The following NAV1 variants were observed in gnomAD, a reference collection of about 807,000 sequenced individuals.
The protein encoded by NAV1 is neuron navigator 1.
A neutral mutation model predicts 175.2 loss-of-function variants in NAV1; 18 were observed. That is an observed-to-expected ratio of 0.10 (90% confidence interval 0.07 to 0.15). The LOEUF is 0.15. NAV1 is among the 10% of genes least tolerant of loss of function. The pLI is 1.00. For missense variants in NAV1, 1,731 were observed against 2,436.6 expected (o/e 0.71, Z 6.10); for synonymous variants, 897 against 978.7 (o/e 0.92, Z 1.56).
intron 3 of NAV1, among the ~76,000 whole-genome samples, chr1:201,768,298 C>A (rs534188074): frequency 7.2e-6 from 1 of 138,616 alleles, no homozygotes; most frequent in African/African-American, 2.8e-5. Flanking sequence ...CATTGCACTG[C>A]AGCCTGGGCA....
At chr1:201,741,187 G>T (rs2102555692) in intron 3 of NAV1, among the ~76,000 whole-genome samples, 1 of 152,272 alleles carries the variant, frequency 6.6e-6, no homozygotes. Flanking sequence ...AAAGAATTGG[G>T]CAAGGCCTGA....
intron 1 of NAV1, among the ~76,000 whole-genome samples, chr1:201,550,457 C>A (rs1411255883): frequency 2.0e-5 from 3 of 152,206 alleles, no homozygotes; most frequent in Admixed American, 1.3e-4. Flanking sequence ...CAAGGGTGAA[C>A]CACCATCCTT....
At chr1:201,572,826 G>A (rs906557487) in intron 1 of NAV1, among the ~76,000 whole-genome samples, 6 of 152,176 alleles carry the variant, frequency 3.9e-5, no homozygotes, top group African/African-American at 1.4e-4. Flanking sequence ...AATCCTCATT[G>A]CTCAAGTAGA....
At chr1:201,606,565 G>A (rs1008642171) in intron 2 of NAV1, among the ~76,000 whole-genome samples, 2 of 152,236 alleles carry the variant, frequency 1.3e-5, no homozygotes, top group East Asian at 1.9e-4. Context: ...GGACTAGAAA[G>A]ACTGCAGTCC....
At chr1:201,759,364 G>C (rs1674698831) in intron 3 of NAV1, among the ~76,000 whole-genome samples, 1 of 152,232 alleles carries the variant, frequency 6.6e-6, no homozygotes, top group South Asian at 2.1e-4. Context: ...AAACAAGTGA[G>C]CTAGATATTG....
chr1:201,823,131 C>T (rs1016612804), exon 30 of NAV1: 4 of 152,640 alleles, frequency 2.6e-5, no homozygotes, highest in Non-Finnish European at 5.9e-5. Context: ...CCTCTCCAGC[C>T]CCCCAACTCC....
At chr1:201,823,372 G>A (rs2644129) in exon 30 of NAV1, 37 of 90,300 alleles carry the variant, frequency 4.1e-4, no homozygotes, top group Non-Finnish European at 5.0e-4. Flanking sequence ...GCGTGTGTGT[G>A]TGTGTGTGTG....
intron 1 of NAV1, among the ~76,000 whole-genome samples, chr1:201,701,144 G>C (rs1464096376): frequency 6.6e-6 from 1 of 151,188 alleles, no homozygotes; most frequent in African/African-American, 2.4e-5. Context: ...CCATCATTCT[G>C]AGCAAACTAT....
intron 4 of NAV1, 145 bp from the exon 9 acceptor site, chr1:201,780,867 C>A: frequency 1.0e-6 from 1 of 967,674 alleles, no homozygotes; most frequent in Non-Finnish European, 1.5e-6. Context: ...TGTTGGAAAC[C>A]CTAGGGGTAT....
intron 1 of NAV1, among the ~76,000 whole-genome samples, chr1:201,691,152 G>C (rs1670917438): frequency 6.6e-6 from 1 of 152,174 alleles, no homozygotes; most frequent in South Asian, 2.1e-4. Context: ...GGCATTGTAA[G>C]ATGTTCAGCA....
rs1373948340 is a variant in NAV1, at chr1:201,744,130, G to A, written c.1226+25375G>A. Among the ~76,000 whole-genome samples, 7 of 152,036 alleles carry A rather than the reference G, an allele frequency of 4.6e-5. No homozygotes were observed. In the South Asian group the frequency reaches 1.0e-3, roughly 23 times the overall value. On this transcript the variant is annotated intron_variant, in intron 3 of 29. Coordinates refer to ENST00000367296, the Ensembl canonical transcript of NAV1. Reference sequence around the variant, plus strand: ...ACTTCTGACCTCAGGTGATCCACCCGCCTCGTCCTCCCAAAGTGCTGGGAT... The same window carrying A: ...ACTTCTGACCTCAGGTGATCCACCCACCTCGTCCTCCCAAAGTGCTGGGAT...
chr1:201,799,595 C>A (rs1677712146), intron 15 of NAV1, among the ~76,000 whole-genome samples: 1 of 152,158 alleles, frequency 6.6e-6, no homozygotes, highest in Admixed American at 6.5e-5. Context: ...TGCGGTGGCT[C>A]ACGCCTATAA....
At chr1:201,557,585 G>A (rs750669240) in intron 1 of NAV1, among the ~76,000 whole-genome samples, 64 of 152,126 alleles carry the variant, frequency 4.2e-4, no homozygotes, top group Non-Finnish European at 7.8e-4. Flanking sequence ...AATTAGCACC[G>A]TCCTTGGCTG....
At chr1:201,802,284 A>C (rs1473557736) in intron 15 of NAV1, among the ~76,000 whole-genome samples, 1 of 135,984 alleles carries the variant, frequency 7.4e-6, no homozygotes, top group African/African-American at 2.7e-5. Flanking sequence ...TAGCCTGCGC[A>C]AGAAGAGTGA....
chr1:201,642,557 T>TTTCTTTCTTCCTTCTTTCCTTCCTCTTTC (rs1571858664), intron 2 of NAV1, among the ~76,000 whole-genome samples: 1 of 106,018 alleles, frequency 9.4e-6, no homozygotes, highest in Non-Finnish European at 1.9e-5. Flanking sequence ...TTCTTTCTTT[T>TTTCTTTCTTCCTTCTTTCCTTCCTCTTTC]TTCCCTTTCT....
At chr1:201,820,449 A>C (rs533070713) in exon 30 of NAV1, 89 of 152,872 alleles carry the variant, frequency 5.8e-4, no homozygotes, top group Non-Finnish European at 1.2e-4. Flanking sequence ...CCAGAAAAAG[A>C]AGCATGTGGT....
chr1:201,768,169 AC>A (rs1675329825), intron 3 of NAV1, among the ~76,000 whole-genome samples: 1 of 151,904 alleles, frequency 6.6e-6, no homozygotes, highest in Non-Finnish European at 1.5e-5. Flanking sequence ...TACTAAAAAT[AC>A]AAAAATTAGT....
intron 11 of NAV1, among the ~76,000 whole-genome samples, chr1:201,790,271 C>T (rs745466165): frequency 2.0e-5 from 3 of 152,166 alleles, no homozygotes; most frequent in Non-Finnish European, 4.4e-5. Flanking sequence ...TGGCAATAAC[C>T]GTTAGTTCTC....
chr1:201,545,553 C>T (rs2102446121), intron 1 of NAV1, among the ~76,000 whole-genome samples: 1 of 152,238 alleles, frequency 6.6e-6, no homozygotes, highest in East Asian at 1.9e-4. Context: ...AGGCGTGAGC[C>T]ACTATGCCCA....
Sources: allele counts gnomAD v4.1 joint callset (sites outside exome capture counted in the v4.1 genomes callset), GRCh38; gene constraint gnomAD v4.1.1; transcripts MANE v1.5; gene names NCBI Gene and HGNC (gene_info 2026-07-23, HGNC 2026-07-21).